The following SEMA3A variants were observed in gnomAD, a reference collection of about 807,000 sequenced individuals.
The protein encoded by SEMA3A is semaphorin 3A, also known as semaphorin-3A.
In SEMA3A, 29 loss-of-function variants were observed where a neutral mutation model predicts 97.9. That is an observed-to-expected ratio of 0.30 (90% CI 0.22 to 0.40). The LOEUF is 0.40. Among genes scored for constraint, SEMA3A ranks in the 10% least tolerant of loss-of-function variants. The pLI is 1.00. For synonymous variants in SEMA3A, 321 were observed against 323.7 expected (o/e 0.99, Z 0.09); for missense variants, 763 against 951.3 (o/e 0.80, Z 2.60).
chr7:84,480,878 G>GATAAA (rs1806426175), intron 1 of SEMA3A, among the ~76,000 whole-genome samples: 1 of 152,044 alleles, frequency 6.6e-6, no homozygotes, highest in Non-Finnish European at 1.5e-5. Flanking sequence ...GGGAAAGAGG[G>GATAAA]TAGCATACCA....
rs143863789 is a variant in SEMA3A at position 84,131,890 on chromosome 7, A to G, written c.271-2705T>C. ...TCACTGCAGGCTTGACCTCCAGGGC[A>G]ATGATTGTCCTGCCGCAGCCTTTAG... On this transcript the variant is annotated intron_variant, in intron 2 of 16. Coordinates refer to ENST00000265362, the MANE Select transcript of SEMA3A (RefSeq NM_006080.3). Among the ~76,000 whole-genome samples the G allele has an allele frequency of 3.5e-3, 526 of 152,268 alleles. 1 individual carries two copies. Among genetic ancestry groups the G allele is most frequent in the African/African-American group, 0.012 (480 of 41,542 alleles).
At chr7:84,194,308 C>CT (rs1457016053) in intron 1 of SEMA3A, among the ~76,000 whole-genome samples, 167 bp downstream of exon 1, 1 of 151,802 alleles carries the variant, frequency 6.6e-6, no homozygotes, top group Non-Finnish European at 1.5e-5. Flanking sequence ...AGAAGACATG[C>CT]TTTTTACAAA....
rs144268860 is a variant in SEMA3A, at chr7:84,383,270, A to G, written c.-245-11370T>C. Among the ~76,000 whole-genome samples, 342 of 152,278 alleles carry G rather than the reference A, an allele frequency of 2.2e-3. 2 individuals carry two copies. The highest frequency in any genetic ancestry group is 7.7e-3 in the African/African-American group (322 of 41,576). On this transcript the variant is annotated intron_variant, in intron 1 of 3. Transcript: ENST00000424555. ...ATGAACTTCTGTACTAAAGAATATT[A>G]CATAATTTGGATAAGTATAATGGAA...
chr7:84,065,655 A>C lies in SEMA3A; in HGVS notation c.454-5097T>G, dbSNP rs865938377. 5.4e-3 allele frequency among the ~76,000 whole-genome samples: 815 copies of C among 151,912 alleles called. 4 individuals carry two copies. The highest frequency in any genetic ancestry group is 0.021 in the Middle Eastern group (6 of 288). ...TACTACAAACACCTCTACGCAAATA[A>C]ACTAGAAAATCTAGAAGCAATGGAT... On this transcript the variant is annotated intron_variant, in intron 4 of 16. Coordinates refer to ENST00000265362, the MANE Select transcript of SEMA3A (RefSeq NM_006080.3).
intron 3 of SEMA3A, among the ~76,000 whole-genome samples, chr7:84,257,778 G>A (rs986241058): frequency 2.6e-5 from 4 of 152,020 alleles, no homozygotes; most frequent in African/African-American, 9.7e-5. Context: ...CTTAATTGTG[G>A]CAAAAAGTAT....
At chr7:83,980,623 A>AAAAAAAAAAAATATATATAT (rs1310318006) in intron 14 of SEMA3A, among the ~76,000 whole-genome samples, 1 of 71,758 alleles carries the variant, frequency 1.4e-5, no homozygotes, top group South Asian at 3.9e-4. Context: ...AAAAAAAAAA[A>AAAAAAAAAAAATATATATAT]ATATATATAT....
At chr7:84,379,895 T>C (rs957640990) in intron 1 of SEMA3A, among the ~76,000 whole-genome samples, 1 of 152,194 alleles carries the variant, frequency 6.6e-6, no homozygotes. Context: ...TCACATACAA[T>C]GGCTAAAAAT....
chr7:83,968,473 T>C (rs1182595309), intron 15 of SEMA3A, among the ~76,000 whole-genome samples: 1 of 152,202 alleles, frequency 6.6e-6, no homozygotes, highest in Non-Finnish European at 1.5e-5. Flanking sequence ...TTCTAGAAAT[T>C]ATTGAGATTC....
chr7:83,980,621 A>AT lies in SEMA3A; in HGVS notation c.1652+699_1652+700insA, dbSNP rs1179670067. Among the ~76,000 whole-genome samples, 287 of 80,496 alleles carry AT rather than the reference A, an allele frequency of 3.6e-3. 1 individual carries two copies. The highest frequency in any genetic ancestry group is 0.018 in the African/African-American group (265 of 15,122). 52.8% of individuals were successfully genotyped at this position (80,496 alleles called of 152,430 possible). A position where few individuals can be genotyped will look rare whatever the true frequency, so the allele number is the denominator to read the frequency against. ...TCCATCTCAAAAAAAAAAAAAAAAA[A>AT]AAATATATATATATATATACACACA... On this transcript the variant is annotated intron_variant, in intron 14 of 16. Coordinates refer to ENST00000265362, the MANE Select transcript of SEMA3A (RefSeq NM_006080.3).
intron 1 of SEMA3A, among the ~76,000 whole-genome samples, chr7:84,152,692 TAATAAAAAATAAATA>T (rs1339386762): frequency 6.6e-6 from 1 of 151,574 alleles, no homozygotes; most frequent in African/African-American, 2.4e-5. Context: ...TAAAGTATAA[TAATAAAAAATAAATA>T]AATAAAAAAG....
intron 1 of SEMA3A, among the ~76,000 whole-genome samples, chr7:84,160,963 C>T (rs1396636903): frequency 6.6e-6 from 1 of 151,976 alleles, no homozygotes; most frequent in Non-Finnish European, 1.5e-5. Flanking sequence ...AAGACAGGAC[C>T]CTTATCACAA....
At chr7:84,335,206 G>T (rs891413959) in intron 2 of SEMA3A, among the ~76,000 whole-genome samples, 2 of 151,898 alleles carry the variant, frequency 1.3e-5, no homozygotes, top group Non-Finnish European at 2.9e-5. Context: ...AATGTTGGTT[G>T]CAAATAGGCT....
chr7:84,216,475 G>A (rs911214013), intron 3 of SEMA3A, among the ~76,000 whole-genome samples: 4 of 152,092 alleles, frequency 2.6e-5, no homozygotes, highest in African/African-American at 9.7e-5. Flanking sequence ...AATCTATGGT[G>A]AATATTTTTT....
At chr7:84,150,971 C>T (rs997437745) in intron 1 of SEMA3A, among the ~76,000 whole-genome samples, 9 of 149,398 alleles carry the variant, frequency 6.0e-5, no homozygotes, top group East Asian at 2.0e-4. Context: ...CACCCCCCAG[C>T]AGGGGCACAC....
At chr7:84,376,702 A>C (rs1803113035) in intron 1 of SEMA3A, among the ~76,000 whole-genome samples, 1 of 150,372 alleles carries the variant, frequency 6.7e-6, no homozygotes, top group African/African-American at 2.4e-5. Flanking sequence ...TAACAGGTTT[A>C]AGATGACTTC....
intron 4 of SEMA3A, among the ~76,000 whole-genome samples, chr7:84,107,930 T>C (rs1795158007): frequency 6.6e-6 from 1 of 152,052 alleles, no homozygotes; most frequent in Admixed American, 6.6e-5. Flanking sequence ...TAATTTACAA[T>C]ATCTGATGAA....
At chr7:84,049,259 A>G (rs572029789) in intron 5 of SEMA3A, among the ~76,000 whole-genome samples, 2 of 152,202 alleles carry the variant, frequency 1.3e-5, no homozygotes, top group East Asian at 3.9e-4. Context: ...GGAGGGTACC[A>G]GATGATTAAG....
chr7:84,265,035 C>G (rs1205114624), intron 3 of SEMA3A, among the ~76,000 whole-genome samples: 1 of 152,088 alleles, frequency 6.6e-6, no homozygotes, highest in Admixed American at 6.5e-5. Flanking sequence ...ACCCACTTCC[C>G]AACCCAGAGT....
intron 1 of SEMA3A, among the ~76,000 whole-genome samples, chr7:84,136,924 G>T (rs925283768): frequency 6.7e-6 from 1 of 150,278 alleles, no homozygotes; most frequent in African/African-American, 2.5e-5. Flanking sequence ...AAAGAAGAAG[G>T]GGAGGAAGGA....
Sources: allele counts gnomAD v4.1 joint callset (sites outside exome capture counted in the v4.1 genomes callset), GRCh38; gene constraint gnomAD v4.1.1; transcripts MANE v1.5; gene names NCBI Gene and HGNC (gene_info 2026-07-23, HGNC 2026-07-21).